The following STOX2 variants were observed in gnomAD, a reference collection of about 807,000 sequenced individuals.
STOX2 encodes storkhead box 2.
STOX2 carries 28 observed loss-of-function variants against 60.9 expected under a neutral mutation model. The observed-to-expected ratio is 0.46, with a 90% CI of 0.34 to 0.63. The LOEUF (loss-of-function observed/expected upper bound fraction) is 0.63. Among genes scored for constraint, STOX2 ranks in the 30% least tolerant of loss-of-function variants. STOX2 has a pLI of 0.01. For missense variants in STOX2, 1,024 were observed against 1,187.7 expected, an observed-to-expected ratio of 0.86 and a Z score of 2.03; for synonymous variants, 472 against 463.9, an observed-to-expected ratio of 1.02 and a Z score of -0.22.
chr4:183,969,466 C>T (rs1415869155), intron 1 of STOX2, among the ~76,000 whole-genome samples: 1 of 152,156 alleles, frequency 6.6e-6, no homozygotes, highest in African/African-American at 2.4e-5. Flanking sequence ...ACACGGTTTG[C>T]TTTGTTGCCC....
chr4:183,832,815 C>G (rs992425368), intron 1 of STOX2, among the ~76,000 whole-genome samples: 1 of 152,124 alleles, frequency 6.6e-6, no homozygotes, highest in East Asian at 1.9e-4. Context: ...CCCTTACTGT[C>G]GTTAGGCTCT....
At chr4:183,855,910 T>A (rs941958710) in intron 1 of STOX2, among the ~76,000 whole-genome samples, 5 of 152,360 alleles carry the variant, frequency 3.3e-5, no homozygotes, top group African/African-American at 1.2e-4. Flanking sequence ...ACGATGCTAC[T>A]CTGATAGGAA....
chr4:184,003,537 C>T (rs1157965690), intron 2 of STOX2, among the ~76,000 whole-genome samples: 2 of 152,202 alleles, frequency 1.3e-5, no homozygotes, highest in East Asian at 3.8e-4. Context: ...TGGTCAGCCT[C>T]AGAAGTTTGC....
chr4:183,982,604 G>T (rs1189092897), intron 1 of STOX2, among the ~76,000 whole-genome samples: 3 of 152,116 alleles, frequency 2.0e-5, no homozygotes, highest in Admixed American at 1.3e-4. Context: ...GTTTGTGCTA[G>T]TATTCTACCC....
chr4:183,897,375 T>C (rs1241948420), intron 1 of STOX2, among the ~76,000 whole-genome samples: 1 of 152,234 alleles, frequency 6.6e-6, no homozygotes, highest in Non-Finnish European at 1.5e-5. Context: ...ATTTTGGTGC[T>C]AGCTTTGCTT....
chr4:183,991,658 A>G (rs1211507509), intron 1 of STOX2, among the ~76,000 whole-genome samples: 3 of 152,102 alleles, frequency 2.0e-5, no homozygotes, highest in Non-Finnish European at 4.4e-5. Context: ...TGAACTCCTG[A>G]CCTGATCCAC....
At chr4:183,986,765 CA>C (rs1732862122) in intron 1 of STOX2, among the ~76,000 whole-genome samples, 1 of 152,236 alleles carries the variant, frequency 6.6e-6, no homozygotes, top group South Asian at 2.1e-4. Context: ...GAACTCAACT[CA>C]CAGGGGGGCC....
chr4:183,886,919 T>C (rs1485398112), intron 1 of STOX2, among the ~76,000 whole-genome samples: 1 of 152,116 alleles, frequency 6.6e-6, no homozygotes, highest in Non-Finnish European at 1.5e-5. Flanking sequence ...CTATCCATCT[T>C]GAGATTCTTT....
intron 1 of STOX2, among the ~76,000 whole-genome samples, chr4:183,859,841 A>G (rs1430541358): frequency 1.3e-5 from 2 of 152,168 alleles, no homozygotes; most frequent in African/African-American, 4.8e-5. Flanking sequence ...AAGACTTTTG[A>G]TATCTAGGAC....
intron 1 of STOX2, among the ~76,000 whole-genome samples, chr4:183,934,626 A>G (rs1363716852): frequency 6.6e-6 from 1 of 152,342 alleles, no homozygotes; most frequent in East Asian, 1.9e-4. Context: ...CTTGATTTAG[A>G]GCAGCAGTTC....
chr4:184,012,882 C>CT (rs1560945684), intron 3 of STOX2, among the ~76,000 whole-genome samples: 1 of 152,008 alleles, frequency 6.6e-6, no homozygotes, highest in East Asian at 1.9e-4. Flanking sequence ...TTTAACTATC[C>CT]TTTTTTTTCT....
chr4:183,958,357 A>G (rs28683689), intron 1 of STOX2, among the ~76,000 whole-genome samples: 44,105 of 151,936 alleles, frequency 0.29, 6,702 homozygotes, highest in Middle Eastern at 0.35. Flanking sequence ...TAATTTTCTC[A>G]GTCACACCAT....
intron 1 of STOX2, among the ~76,000 whole-genome samples, chr4:183,972,968 G>A (rs1743786759): frequency 6.6e-6 from 1 of 151,826 alleles, no homozygotes; most frequent in Non-Finnish European, 1.5e-5. Flanking sequence ...TTCATGGGTG[G>A]GCTCAACAAC....
intron 1 of STOX2, among the ~76,000 whole-genome samples, chr4:183,989,192 TTG>T (rs144425736): frequency 0.43 from 52,393 of 122,528 alleles, 10,107 homozygotes; most frequent in African/African-American, 0.56. Context: ...TTTTTTTTTT[TTG>T]TTTGTTTGGT....
In STOX2 at chr4:184,010,278, G is replaced by C. The variant is rs199772096; in HGVS notation, c.1440G>C (p.Arg480Ser). ...SHSHTQDRRS[R>S]NERSNKAKER... ...GCCATACACAGGACCGGAGGTCCAG[G>C]AATGAGAGATCCAACAAAGCCAAGG... The change falls in exon 3 of 4, where the codon AGG (arginine) becomes AGC (serine). Residue 480 changes from arginine (R) to serine (S), a missense_variant. Transcript: ENST00000308497. This position sits in a 1 kb window ranked among gnomAD's most constrained non-coding sequence, Gnocchi z 4.5. 3,969 of 1,585,046 alleles carry C rather than the reference G, an allele frequency of 2.5e-3. 12 individuals carry two copies. The highest frequency in any genetic ancestry group is 2.9e-3 in the Non-Finnish European group (3,359 of 1,165,614).
In STOX2 at chr4:184,021,402, C is replaced by G. The variant is rs2111271100; in HGVS notation, c.*4118C>G. ...TTTTTCTGATGTGTGCTAATAAAGT[C>G]AAAGAAAACAAATACATCTTGACAC... On this transcript the variant is annotated 3_prime_UTR_variant, in exon 4 of 4. Transcript: ENST00000308497. 6.6e-6 allele frequency: 1 copy of G among 150,630 alleles called. No homozygotes were observed. Among genetic ancestry groups the G allele is most frequent in the Admixed American group, 6.6e-5 (1 of 15,136 alleles). The allele number at this position is 150,630 out of a possible 1,614,324, so 9.3% of individuals were successfully genotyped here.
rs188377692 is a variant in STOX2 at position 183,809,150 on chromosome 4, C to T, written c.364+11095C>T. Among the ~76,000 whole-genome samples the T allele has an allele frequency of 2.2e-3, 332 of 152,202 alleles. 1 individual carries two copies. Among genetic ancestry groups the T allele is most frequent in the Admixed American group, 0.015 (232 of 15,300 alleles). The stretch of plus-strand genomic sequence containing the variant: ...AGGCTGGAGTACAGTGGTGTGATCA[C>T]GGCTCACTGCAACCTTGAGCTCTCA... On this transcript the variant is annotated intron_variant, in intron 1 of 2. Coordinates refer to the STOX2 transcript ENST00000513034.
At chr4:183,966,337 G>A (rs1228311911) in intron 1 of STOX2, among the ~76,000 whole-genome samples, 1 of 152,250 alleles carries the variant, frequency 6.6e-6, no homozygotes, top group Non-Finnish European at 1.5e-5. Flanking sequence ...TATGAATTTA[G>A]AATCTGCATT....
rs1264349312 is a variant in STOX2, at chr4:184,018,262, G to A, written c.*978G>A. ...ATACAAATGAAGAGTAGGGCCTGAGGATGTTATTCTTTCTAATGGAAGGAC... is the reference window on the plus strand; with the variant it reads ...ATACAAATGAAGAGTAGGGCCTGAGAATGTTATTCTTTCTAATGGAAGGAC... On this transcript the variant is annotated 3_prime_UTR_variant, in exon 4 of 4. Coordinates refer to ENST00000308497, the MANE Select transcript of STOX2 (RefSeq NM_020225.3). 1 of 152,202 alleles carries A rather than the reference G, an allele frequency of 6.6e-6. No homozygotes were observed. Among genetic ancestry groups the A allele is most frequent in the African/African-American group, 2.4e-5 (1 of 41,446 alleles). The allele number at this position is 152,202 out of a possible 1,614,324, so 9.4% of individuals were successfully genotyped here.
Sources: gnomAD v4.1 joint callset for allele counts (sites outside exome capture counted in the v4.1 genomes callset) on GRCh38, gnomAD v4.1.1 for gene constraint, Gnocchi (gnomAD v3.1) non-coding constraint, MANE v1.5 for transcripts, NCBI Gene and HGNC (gene_info 2026-07-23, HGNC 2026-07-21) for gene names.